SLC25A12: variants seen among roughly 807,000 people sequenced by gnomAD.
SLC25A12 encodes solute carrier family 25 member 12, also known as electrogenic aspartate/glutamate antiporter SLC25A12, mitochondrial.
Under a neutral mutation model 83.3 loss-of-function variants are expected in SLC25A12, and 32 were observed. That is an observed-to-expected ratio of 0.38 (90% confidence interval 0.29 to 0.52). SLC25A12 has a LOEUF of 0.52. Among genes scored for constraint, SLC25A12 ranks in the 20% least tolerant of loss-of-function variants. The pLI, the probability that SLC25A12 is intolerant of heterozygous loss-of-function variation, is 0.84. For missense variants in SLC25A12, 611 were observed against 835.6 expected (o/e 0.73, Z 3.31); for synonymous variants, 267 against 291.1 (o/e 0.92, Z 0.84).
chr2:171,792,139 T>A (rs946518861), intron 14 of SLC25A12, among the ~76,000 whole-genome samples: 1 of 151,602 alleles, frequency 6.6e-6, no homozygotes, highest in Non-Finnish European at 1.5e-5. Context: ...GAGTAGAAAA[T>A]CATTACCCAG....
At chr2:171,822,728 T>G (rs552565613) in intron 9 of SLC25A12, among the ~76,000 whole-genome samples, 2 of 152,310 alleles carry the variant, frequency 1.3e-5, no homozygotes, top group African/African-American at 4.8e-5. Flanking sequence ...AATGAGAGGA[T>G]GTTACATAAT....
chr2:171,796,575 A>G (rs932762862), intron 13 of SLC25A12, among the ~76,000 whole-genome samples: 11 of 152,206 alleles, frequency 7.2e-5, no homozygotes, highest in African/African-American at 2.4e-4. Context: ...AGACTGAGGC[A>G]GGAGGATTAC....
At chr2:171,832,623 C>A (rs1003304653) in intron 8 of SLC25A12, among the ~76,000 whole-genome samples, 3 of 152,214 alleles carry the variant, frequency 2.0e-5, no homozygotes, top group African/African-American at 7.2e-5. Context: ...CCATCCAACT[C>A]ATACCCCTTT....
Position 171,785,391 on chromosome 2 carries a change from T to C in SLC25A12, c.1920A>G (p.Arg640=), listed in dbSNP as rs769355931. Residue 640 remains arginine (R), a synonymous_variant, in exon 18 of 18, where the codon AGA becomes AGG. Coordinates refer to ENST00000422440, the MANE Select transcript of SLC25A12 (RefSeq NM_003705.5). ...TGCCTGCAAACGTGGCTGTGGCGAG[T>C]CTGTATCCACCGATGTGATCAGGGT... The part of the protein sequence containing the change: ...PANPDHIGGY[R]LATATFAGIE... The C allele has an allele frequency of 2.5e-6, 4 of 1,613,948 alleles. No individual in the cohort carries two copies. In the African/African-American group the frequency reaches 5.3e-5, roughly 22 times the overall value.
In SLC25A12 at chr2:171,893,953, C is replaced by T. The variant is rs143712437; in HGVS notation, c.12+250G>A. 2.6e-3 allele frequency among the ~76,000 whole-genome samples: 395 copies of T among 152,226 alleles called. 14 individuals carry two copies. In the East Asian group the frequency reaches 0.065, roughly 25 times the overall value. ...CATGCACCTAGGACAGGACATTACTCTTCCTTCACTGACCCGTGTTACCGT... is the reference window on the plus strand; with the variant it reads ...CATGCACCTAGGACAGGACATTACTTTTCCTTCACTGACCCGTGTTACCGT... On this transcript the variant is annotated intron_variant, in intron 1 of 17. Coordinates refer to ENST00000422440, the MANE Select transcript of SLC25A12 (RefSeq NM_003705.5).
intron 9 of SLC25A12, among the ~76,000 whole-genome samples, chr2:171,820,217 T>C (rs1684156601): frequency 6.6e-6 from 1 of 152,108 alleles, no homozygotes; most frequent in Non-Finnish European, 1.5e-5. Context: ...ACCCCCAAAC[T>C]TAAAAGTTAA....
At chr2:171,889,444 A>G (rs999632964) in intron 2 of SLC25A12, among the ~76,000 whole-genome samples, 1 of 152,120 alleles carries the variant, frequency 6.6e-6, no homozygotes, top group African/African-American at 2.4e-5. Context: ...TTAATTCTCA[A>G]AAGTATTACT....
intron 2 of SLC25A12, among the ~76,000 whole-genome samples, chr2:171,872,246 AAT>A (rs1016596742): frequency 1.3e-5 from 2 of 152,224 alleles, no homozygotes; most frequent in Non-Finnish European, 2.9e-5. Context: ...CAAAACAATA[AAT>A]ATATAAACAC....
chr2:171,883,411 C>G (rs1366425165), intron 2 of SLC25A12, among the ~76,000 whole-genome samples: 2 of 152,154 alleles, frequency 1.3e-5, no homozygotes, highest in Non-Finnish European at 2.9e-5. Flanking sequence ...GACTACAAAT[C>G]CCATGTAGGC....
At chr2:171,888,390 C>T (rs533263053) in intron 2 of SLC25A12, among the ~76,000 whole-genome samples, 156 of 151,672 alleles carry the variant, frequency 1.0e-3, no homozygotes, top group Non-Finnish European at 1.6e-3. Context: ...TGAGCTGCCG[C>T]ACCCAGCTGA....
At chr2:171,876,381 G>A (rs1356315909) in intron 2 of SLC25A12, among the ~76,000 whole-genome samples, 1 of 152,148 alleles carries the variant, frequency 6.6e-6, no homozygotes, top group Non-Finnish European at 1.5e-5. Flanking sequence ...CCTGTTGCCT[G>A]AACAACACAA....
intron 4 of SLC25A12, 56 bp downstream of exon 4, chr2:171,855,778 T>C: frequency 2.0e-6 from 2 of 995,614 alleles, no homozygotes; most frequent in Non-Finnish European, 3.3e-6. Context: ...GATTCAGCAA[T>C]TGAAGACTGG....
intron 13 of SLC25A12, among the ~76,000 whole-genome samples, chr2:171,804,832 G>A (rs961342471): frequency 3.9e-5 from 6 of 152,186 alleles, no homozygotes; most frequent in Non-Finnish European, 4.4e-5. Context: ...TGCCTGAGCC[G>A]GCAGTTCAAG....
At position 171,868,829 on chromosome 2, in the gene SLC25A12, AAAAT is replaced by A. The variant is rs764075148; in HGVS notation, c.67-10_67-7del. 3.7e-6 allele frequency: 6 copies of A among 1,605,308 alleles called. No individual in the cohort carries two copies. Among genetic ancestry groups the A allele is most frequent in the Admixed American group, 3.3e-5 (2 of 59,984 alleles). On this transcript the variant is annotated splice_polypyrimidine_tract_variant and splice_region_variant and intron_variant, in intron 2 of 17. Transcript: ENST00000422440. Reference sequence around the variant, plus strand: ...TCAACCTCAGTACTGGCATACTAAAAAAATAAATAAATAATGCATACTGAAAAAT... The same window carrying A: ...TCAACCTCAGTACTGGCATACTAAAAAAATAAATAATGCATACTGAAAAAT...
intron 2 of SLC25A12, among the ~76,000 whole-genome samples, chr2:171,888,005 C>T (rs1382152746): frequency 6.6e-6 from 1 of 151,900 alleles, no homozygotes; most frequent in East Asian, 1.9e-4. Context: ...TTATAAAGCC[C>T]TTCTTATGAA....
chr2:171,880,691 T>C (rs981130702), intron 2 of SLC25A12, among the ~76,000 whole-genome samples: 2 of 152,202 alleles, frequency 1.3e-5, no homozygotes, highest in Non-Finnish European at 2.9e-5. Context: ...CCAATAGTTT[T>C]TCCACCCTGT....
rs900868350 is a variant in SLC25A12, at chr2:171,844,429, C to T, written c.405G>A (p.Leu135=). The part of the protein sequence containing the change: ...PFNWDCEFIR[L]HFGHNRKKHL... ...GCTTCTTCCGGTTATGCCCAAAATG[C>T]AGTCGGATAAATTCACAATCCCAGT... Residue 135 remains leucine, a synonymous_variant, in exon 5 of 18, where the codon CTG becomes CTA. Coordinates refer to ENST00000422440, the MANE Select transcript of SLC25A12 (RefSeq NM_003705.5). 2.5e-6 allele frequency: 4 copies of T among 1,613,666 alleles called. No homozygotes were observed. The highest frequency in any genetic ancestry group is 2.7e-5 in the African/African-American group (2 of 74,920).
At chr2:171,847,348 T>C (rs747739436) in intron 4 of SLC25A12, among the ~76,000 whole-genome samples, 7 of 152,314 alleles carry the variant, frequency 4.6e-5, no homozygotes, top group East Asian at 3.9e-4. Context: ...TTTACTTTTA[T>C]CAGAATGTGA....
chr2:171,823,800 A>G (rs1558920276), intron 9 of SLC25A12, among the ~76,000 whole-genome samples: 1 of 152,120 alleles, frequency 6.6e-6, no homozygotes, highest in Non-Finnish European at 1.5e-5. Flanking sequence ...CTCTACTGAA[A>G]ACAAATTAGC....
Sources: allele counts gnomAD v4.1 joint callset (sites outside exome capture counted in the v4.1 genomes callset), GRCh38; gene constraint gnomAD v4.1.1; transcripts MANE v1.5; gene names NCBI Gene and HGNC (gene_info 2026-07-23, HGNC 2026-07-21).